Variants in NUP107 observed in about 807,000 individuals in gnomAD.
NUP107 encodes the protein nucleoporin 107, also known as nuclear pore complex protein Nup107.
NUP107 carries 101 observed loss-of-function variants against 141.0 expected under a neutral mutation model. That is an observed-to-expected ratio of 0.72 (90% CI 0.61 to 0.84). The LOEUF (loss-of-function observed/expected upper bound fraction) is 0.84, where lower values mean the gene tolerates loss of function less well. Among genes scored for constraint, NUP107 ranks in the 40% least tolerant of loss-of-function variants. The pLI is 0.00. For missense variants in NUP107, 941 were observed against 1,102.7 expected (o/e 0.85, Z 2.08); for synonymous variants, 319 against 363.9 (o/e 0.88, Z 1.41).
intron 5 of NUP107, among the ~76,000 whole-genome samples, chr12:68,696,600 C>T (rs1188152983): frequency 6.6e-6 from 1 of 151,914 alleles, no homozygotes; most frequent in Non-Finnish European, 1.5e-5. Flanking sequence ...GTAATCCCAG[C>T]TAGTTGGGAG....
intron 4 of NUP107, 135 bp from the exon 5 acceptor site, chr12:68,691,828 TATCTC>T: frequency 1.5e-6 from 1 of 677,086 alleles, no homozygotes. Context: ...ATCCAGACCT[TATCTC>T]AAGAAGGGAA....
intron 5 of NUP107, 76 bp downstream of exon 5, chr12:68,692,188 T>C: frequency 7.4e-7 from 1 of 1,348,284 alleles, no homozygotes; most frequent in Non-Finnish European, 1.0e-6. Flanking sequence ...TTCCTGTTTC[T>C]GAACGTCATT....
chr12:68,694,420 G>A (rs1397479322), intron 5 of NUP107, among the ~76,000 whole-genome samples: 1 of 151,952 alleles, frequency 6.6e-6, no homozygotes, highest in Non-Finnish European at 1.5e-5. Flanking sequence ...AGATAAATTG[G>A]GCTACATCAA....
intron 20 of NUP107, among the ~76,000 whole-genome samples, chr12:68,729,027 AT>A (rs1877698267): frequency 6.6e-6 from 1 of 152,032 alleles, no homozygotes; most frequent in African/African-American, 2.4e-5. Flanking sequence ...CTGTGGTGTT[AT>A]TAAGGGTTTA....
At position 68,727,386 on chromosome 12, in the gene NUP107, A is replaced by G; in HGVS notation, c.1731A>G (p.Ile577Met). ...CTATTGAAGTTTTAAAGACATACATACAGGTAAACTTTGAGAACCTACAAC... is the reference window on the plus strand; with the variant it reads ...CTATTGAAGTTTTAAAGACATACATGCAGGTAAACTTTGAGAACCTACAAC... Reference protein sequence around the residue: ...EVSIEVLKTYIQLLIREKHTN... With the variant: ...EVSIEVLKTYMQLLIREKHTN... The change falls in exon 20 of 28, where the codon ATA becomes ATG. Residue 577 changes from isoleucine to methionine, a missense_variant. By Grantham distance (10) the Ile-to-Met change is conservative. Coordinates refer to ENST00000229179, the MANE Select transcript of NUP107 (RefSeq NM_020401.4). The G allele has an allele frequency of 6.7e-7, 1 of 1,497,722 alleles. No individual in the cohort carries two copies. The allele number at this position is 1,497,722 out of a possible 1,614,324, so 92.8% of individuals were successfully genotyped here. A position where few individuals can be genotyped will look rare whatever the true frequency, so the allele number is the denominator to read the frequency against.
chr12:68,694,794 G>A (rs1253394507), intron 5 of NUP107, among the ~76,000 whole-genome samples: 1 of 152,168 alleles, frequency 6.6e-6, no homozygotes, highest in Non-Finnish European at 1.5e-5. Flanking sequence ...GCAGCTACTC[G>A]GGAGACTGAG....
chr12:68,697,704 AAAG>A (rs1876135444), intron 6 of NUP107, among the ~76,000 whole-genome samples: 1 of 152,174 alleles, frequency 6.6e-6, no homozygotes, highest in African/African-American at 2.4e-5. Context: ...GCACCTCACC[AAAG>A]AAGATATACA....
At chr12:68,687,181 T>C (rs1334351741) in intron 1 of NUP107, 108 bp downstream of exon 1, 2 of 1,490,416 alleles carry the variant, frequency 1.3e-6, no homozygotes, top group East Asian at 4.5e-5. Flanking sequence ...AGGTCCCGGG[T>C]GCTTCCCCTA....
At chr12:68,687,118 C>A (rs749017301) in intron 1 of NUP107, 45 bp downstream of exon 1, 1 of 1,612,940 alleles carries the variant, frequency 6.2e-7, no homozygotes, top group Non-Finnish European at 8.5e-7. Context: ...TTGCCCGTCT[C>A]GCCTGTTGGC....
chr12:68,737,603 A>G (rs1028639462), intron 26 of NUP107, among the ~76,000 whole-genome samples: 2 of 151,816 alleles, frequency 1.3e-5, no homozygotes, highest in African/African-American at 4.8e-5. Context: ...ATGGAAGGCA[A>G]TGAATGATAC....
At chr12:68,735,561 G>T (rs1378303275) in intron 26 of NUP107, among the ~76,000 whole-genome samples, 1 of 152,034 alleles carries the variant, frequency 6.6e-6, no homozygotes, top group Non-Finnish European at 1.5e-5. Flanking sequence ...GTTCACAGAG[G>T]ATACAAAAAT....
chr12:68,722,245 C>T (rs1877386266), intron 17 of NUP107, 93 bp downstream of exon 17: 1 of 932,984 alleles, frequency 1.1e-6, no homozygotes, highest in Non-Finnish European at 1.6e-6. Flanking sequence ...GTGGAACTTT[C>T]TCCCTTTTTC....
chr12:68,692,121 G>T lies in NUP107; in HGVS notation c.448+9G>T, dbSNP rs201465179. On this transcript the variant is annotated intron_variant, in intron 5 of 27. Coordinates refer to ENST00000229179, the MANE Select transcript of NUP107 (RefSeq NM_020401.4). ...TGATCCTGGAGAAGCTGGTAAAATG[G>T]CATTGAGCTTTGTGACAAGTAGCTT... 258 of 1,567,954 alleles carry T rather than the reference G, an allele frequency of 1.6e-4. 2 individuals carry two copies. Among genetic ancestry groups the T allele is most frequent in the Non-Finnish European group, 1.2e-5 (14 of 1,161,144 alleles).
In NUP107 at chr12:68,745,208, GCC is replaced by G. The variant is rs1193863708; in HGVS notation, c.*2748_*2749del. Reference sequence around the variant, plus strand: ...TGGGACTACAGGCCCACGCCACCATGCCCTACTTCCTCATTTATTTTAAATTT... The same window carrying G: ...TGGGACTACAGGCCCACGCCACCATGCTACTTCCTCATTTATTTTAAATTT... On this transcript the variant is annotated 3_prime_UTR_variant, in exon 28 of 28. Coordinates refer to ENST00000229179, the MANE Select transcript of NUP107 (RefSeq NM_020401.4). 6.6e-6 allele frequency: 1 copy of G among 152,136 alleles called. No homozygotes were observed. The highest frequency in any genetic ancestry group is 1.5e-5 in the Non-Finnish European group (1 of 68,036). The allele number at this position is 152,136 out of a possible 1,614,324, so 9.4% of individuals were successfully genotyped here.
intron 10 of NUP107, among the ~76,000 whole-genome samples, chr12:68,713,241 G>T (rs899689811): frequency 4.6e-5 from 7 of 151,894 alleles, no homozygotes; most frequent in Non-Finnish European, 8.8e-5. Flanking sequence ...AGGGCATGGT[G>T]GCGCGTGTCT....
chr12:68,706,026 G>T, intron 8 of NUP107: 1 of 850,396 alleles, frequency 1.2e-6, no homozygotes, highest in Admixed American at 1.7e-5. Context: ...GGCAGAAGAC[G>T]GCTCAGAGCA....
Position 68,744,322 on chromosome 12 carries a change from C to A in NUP107, c.*1860C>A, listed in dbSNP as rs1878434568. 6.6e-6 allele frequency: 1 copy of A among 152,172 alleles called. No individual in the cohort carries two copies. Among genetic ancestry groups the A allele is most frequent in the Non-Finnish European group, 1.5e-5 (1 of 68,022 alleles). The allele number at this position is 152,172 out of a possible 1,614,324, so 9.4% of individuals were successfully genotyped here. The stretch of plus-strand genomic sequence containing the variant: ...GAAACCCACTAAGGTTGTGGAATTA[C>A]AAAATTCCTTCAACCTTAGACTCTT... On this transcript the variant is annotated 3_prime_UTR_variant, in exon 28 of 28. Coordinates refer to ENST00000229179, the MANE Select transcript of NUP107 (RefSeq NM_020401.4).
intron 10 of NUP107, among the ~76,000 whole-genome samples, chr12:68,712,810 A>G (rs1450773939): frequency 6.6e-6 from 1 of 152,112 alleles, no homozygotes; most frequent in Non-Finnish European, 1.5e-5. Flanking sequence ...CCAGCAGGGA[A>G]TGGAATGCCT....
Position 68,739,273 on chromosome 12 carries a change from A to C in NUP107, c.2503-2540A>C, listed in dbSNP as rs549881116. ...TTCATAGCACTTAGCACAATCTGAT[A>C]TAAAACATATTAATTTATTTGCTTT... On this transcript the variant is annotated intron_variant, in intron 26 of 27. Transcript: ENST00000229179. 6.6e-5 allele frequency among the ~76,000 whole-genome samples: 10 copies of C among 152,374 alleles called. No individual in the cohort carries two copies. The South Asian group carries it at 1.7e-3, about 25-fold the overall frequency.
Sources: gnomAD v4.1 joint callset for allele counts (sites outside exome capture counted in the v4.1 genomes callset) on GRCh38, gnomAD v4.1.1 for gene constraint, MANE v1.5 for transcripts, NCBI Gene and HGNC (gene_info 2026-07-23, HGNC 2026-07-21) for gene names.